The following PARD3B variants were observed in gnomAD, a reference collection of about 807,000 sequenced individuals.
PARD3B encodes the protein partitioning defective 3 homolog B.
A neutral mutation model predicts 130.2 loss-of-function variants in PARD3B; 103 were observed. The observed-to-expected ratio is 0.79, with a 90% confidence interval of 0.67 to 0.93. The LOEUF (loss-of-function observed/expected upper bound fraction) is 0.93, where lower values mean the gene tolerates loss of function less well. Ranked by LOEUF, PARD3B falls within the 40% of genes least tolerant of loss-of-function variation. The pLI, the probability that PARD3B is intolerant of heterozygous loss-of-function variation, is 0.00. For missense variants in PARD3B, 1,609 were observed against 1,499.2 expected, an observed-to-expected ratio of 1.07 and a Z score of -1.21; for synonymous variants, 583 against 553.2, an observed-to-expected ratio of 1.05 and a Z score of -0.76.
At chr2:204,721,326 C>T (rs1301845501) in intron 2 of PARD3B, among the ~76,000 whole-genome samples, 1 of 152,022 alleles carries the variant, frequency 6.6e-6, no homozygotes, top group Non-Finnish European at 1.5e-5. Flanking sequence ...TGGGAACTAC[C>T]TACAGGAGGC....
intron 1 of PARD3B, among the ~76,000 whole-genome samples, chr2:204,613,622 G>A (rs1413513193): frequency 6.6e-6 from 1 of 151,252 alleles, no homozygotes; most frequent in Non-Finnish European, 1.5e-5. Context: ...TTGTCTTTTT[G>A]TTGTATTCTC....
intron 2 of PARD3B, among the ~76,000 whole-genome samples, chr2:204,920,198 A>C (rs1054859402): frequency 6.6e-6 from 1 of 152,206 alleles, no homozygotes; most frequent in African/African-American, 2.4e-5. Context: ...GCTGTGGCCC[A>C]TCAGGGTATG....
intron 2 of PARD3B, among the ~76,000 whole-genome samples, chr2:204,791,801 T>C (rs1421890499): frequency 6.6e-6 from 1 of 152,172 alleles, no homozygotes; most frequent in Non-Finnish European, 1.5e-5. Flanking sequence ...TACATCCCGA[T>C]TATTGTAGTA....
At chr2:204,562,922 G>T (rs2031412077) in intron 1 of PARD3B, among the ~76,000 whole-genome samples, 1 of 151,916 alleles carries the variant, frequency 6.6e-6, no homozygotes, top group East Asian at 1.9e-4. Context: ...AGGGCCACTT[G>T]GGAAATGCAG....
In PARD3B at chr2:204,670,268, A is replaced by T. The variant is rs1360744006; in HGVS notation, c.121-15913A>T. On this transcript the variant is annotated intron_variant, in intron 1 of 22. Transcript: ENST00000406610. ...ACATGACCTCTGTTGCAGCTGCTCA[A>T]CTCTGAGTTTGGCTGTGTTCCCTTT... Among the ~76,000 whole-genome samples the T allele has an allele frequency of 2.6e-5, 4 of 152,122 alleles. No individual in the cohort carries two copies. The East Asian group carries it at 7.7e-4, about 29-fold the overall frequency.
intron 20 of PARD3B, among the ~76,000 whole-genome samples, chr2:205,491,429 A>G (rs1333980135): frequency 1.3e-5 from 2 of 152,076 alleles, no homozygotes; most frequent in Admixed American, 1.3e-4. Flanking sequence ...GATATGCAGC[A>G]TTATTTCTGA....
At chr2:204,613,727 C>CT (rs1223226068) in intron 1 of PARD3B, among the ~76,000 whole-genome samples, 1 of 151,874 alleles carries the variant, frequency 6.6e-6, no homozygotes, top group Admixed American at 6.6e-5. Context: ...GCTTTATGAA[C>CT]TTTGTTTTAT....
intron 2 of PARD3B, among the ~76,000 whole-genome samples, chr2:204,722,610 A>G: frequency 6.6e-6 from 1 of 152,288 alleles, no homozygotes; most frequent in East Asian, 1.9e-4. Context: ...GGGCTGACGT[A>G]AACTCTCATC....
intron 1 of PARD3B, among the ~76,000 whole-genome samples, chr2:204,565,197 A>C (rs1423325498): frequency 6.6e-6 from 1 of 152,182 alleles, no homozygotes; most frequent in Non-Finnish European, 1.5e-5. Flanking sequence ...GTTTCTTGTC[A>C]TGTGGGCTTT....
At chr2:204,939,516 G>T (rs540509968) in intron 2 of PARD3B, among the ~76,000 whole-genome samples, 1 of 152,270 alleles carries the variant, frequency 6.6e-6, no homozygotes, top group African/African-American at 2.4e-5. Context: ...GAATAACAGA[G>T]AAATGAAGAC....
At chr2:205,398,994 C>T (rs538946574) in intron 18 of PARD3B, among the ~76,000 whole-genome samples, 1 of 152,190 alleles carries the variant, frequency 6.6e-6, no homozygotes, top group South Asian at 2.1e-4. Context: ...AATCGCTGGG[C>T]ACGGTGGCTC....
intron 3 of PARD3B, among the ~76,000 whole-genome samples, chr2:204,995,252 A>G (rs1347576317): frequency 6.6e-6 from 1 of 151,970 alleles, no homozygotes. Context: ...CGCTTCCTTC[A>G]GGAGCTCTTT....
intron 2 of PARD3B, among the ~76,000 whole-genome samples, chr2:204,697,762 C>A (rs113277357): frequency 2.7e-3 from 415 of 152,098 alleles, no homozygotes; most frequent in African/African-American, 9.2e-3. Context: ...AACTTGAAGC[C>A]CATATGGTTC....
chr2:205,296,661 GTA>G (rs1414168282), intron 16 of PARD3B, among the ~76,000 whole-genome samples: 98 of 134,446 alleles, frequency 7.3e-4, no homozygotes, highest in South Asian at 3.4e-3. Flanking sequence ...GTGTGTTTGT[GTA>G]TGTGTGTGTG....
chr2:205,465,355 G>A (rs1191285617), intron 20 of PARD3B, among the ~76,000 whole-genome samples: 1 of 152,134 alleles, frequency 6.6e-6, no homozygotes, highest in Non-Finnish European at 1.5e-5. Flanking sequence ...TGTAGAGAGG[G>A]TAAGGAACTG....
chr2:205,619,367 A>G lies in PARD3B; in HGVS notation c.*3554A>G, dbSNP rs558272240. 3.7e-4 allele frequency: 57 copies of G among 152,344 alleles called. No individual in the cohort carries two copies. The highest frequency in any genetic ancestry group is 1.2e-3 in the African/African-American group (49 of 41,574). The allele number at this position is 152,344 out of a possible 1,614,324, so 9.4% of individuals were successfully genotyped here. A position where few individuals can be genotyped will look rare whatever the true frequency, so the allele number is the denominator to read the frequency against. On this transcript the variant is annotated 3_prime_UTR_variant, in exon 23 of 23. Coordinates refer to ENST00000406610, the MANE Select transcript of PARD3B (RefSeq NM_001302769.2). ...GAGAGATCTAAAGAGTTTGGTCTGA[A>G]TGTGTGTCTGTACAATTCCCTTTGG...
At chr2:205,299,852 T>A (rs1426780280) in intron 16 of PARD3B, among the ~76,000 whole-genome samples, 1 of 152,232 alleles carries the variant, frequency 6.6e-6, no homozygotes, top group East Asian at 1.9e-4. Flanking sequence ...AACTATAGCA[T>A]CGACACAGAA....
At chr2:205,204,198 G>T (rs550718628) in intron 15 of PARD3B, among the ~76,000 whole-genome samples, 1 of 152,350 alleles carries the variant, frequency 6.6e-6, no homozygotes, top group East Asian at 1.9e-4. Flanking sequence ...TTTGTCTAAT[G>T]ATCAGTGATG....
chr2:205,617,948 G>A lies in PARD3B; in HGVS notation c.*2135G>A, dbSNP rs2055487298. 2 of 152,224 alleles carry A rather than the reference G, an allele frequency of 1.3e-5. No homozygotes were observed. The highest frequency in any genetic ancestry group is 2.9e-5 in the Non-Finnish European group (2 of 68,064). 9.4% of individuals were successfully genotyped at this position (152,224 alleles called of 1,614,324 possible). A position where few individuals can be genotyped will look rare whatever the true frequency, so the allele number is the denominator to read the frequency against. Reference sequence around the variant, plus strand: ...CTGGATTAAGCCTAGGCCACTTGAGGGGCAGCCAGGGGTGATGGTGTCAGG... The same window carrying A: ...CTGGATTAAGCCTAGGCCACTTGAGAGGCAGCCAGGGGTGATGGTGTCAGG... On this transcript the variant is annotated 3_prime_UTR_variant, in exon 23 of 23. Transcript: ENST00000406610.
Sources: allele counts gnomAD v4.1 joint callset (sites outside exome capture counted in the v4.1 genomes callset), GRCh38; gene constraint gnomAD v4.1.1; transcripts MANE v1.5; gene names NCBI Gene and HGNC (gene_info 2026-07-23, HGNC 2026-07-21).